MTNR1B: variants seen among roughly 807,000 people sequenced by gnomAD.
The protein encoded by MTNR1B is melatonin receptor 1B.
In MTNR1B, 7 loss-of-function variants were observed where a neutral mutation model predicts 7.0. That is an observed-to-expected ratio of 1.00 (90% CI 0.57 to 1.88). MTNR1B has a LOEUF of 1.88. Ranked by LOEUF, MTNR1B falls within the 40% of genes most tolerant of loss-of-function variation. The probability of loss-of-function intolerance (pLI) is 0.00; values close to 1 mark genes in which losing one functional copy is unlikely to be tolerated. For missense variants in MTNR1B, 478 were observed against 486.5 expected (o/e 0.98, Z 0.16); for synonymous variants, 226 against 208.2 (o/e 1.09, Z -0.74).
At position 92,969,715 on chromosome 11, in the gene MTNR1B, G is replaced by T; in HGVS notation, c.-11G>T. 1.4e-6 allele frequency: 2 copies of T among 1,466,814 alleles called. No homozygotes were observed. Among genetic ancestry groups the T allele is most frequent in the East Asian group, 2.5e-5 (1 of 39,258 alleles). The allele number at this position is 1,466,814 out of a possible 1,614,324, so 90.9% of individuals were successfully genotyped here. A position where few individuals can be genotyped will look rare whatever the true frequency, so the allele number is the denominator to read the frequency against. On this transcript the variant is annotated 5_prime_UTR_variant, in exon 1 of 2. Transcript: ENST00000257068. ...GCGCGGTGGCCAAAGCACAGCGCGG[G>T]AGAGTCTGCGATGTCAGAGAACGGC...
In MTNR1B at chr11:92,976,999, A is replaced by G. The variant is rs540743110; in HGVS notation, c.224-4448A>G. 7.2e-5 allele frequency among the ~76,000 whole-genome samples: 11 copies of G among 152,346 alleles called. No individual in the cohort carries two copies. In the South Asian group the frequency reaches 1.7e-3, roughly 23 times the overall value. ...TTATATCAATGGTTGTTTTGTTGCTATTAAGTGTAAAGTAATAAAATGTTA... is the reference window on the plus strand; with the variant it reads ...TTATATCAATGGTTGTTTTGTTGCTGTTAAGTGTAAAGTAATAAAATGTTA... On this transcript the variant is annotated intron_variant, in intron 1 of 1. Transcript: ENST00000257068.
chr11:92,984,548 C>T (rs1858168491), downstream of MTNR1B, among the ~76,000 whole-genome samples: 1 of 152,190 alleles, frequency 6.6e-6, no homozygotes. Flanking sequence ...GCTGCTTCCC[C>T]TCCCCCTAGA....
At chr11:92,977,717 T>TAAC (rs1858032129) in intron 1 of MTNR1B, among the ~76,000 whole-genome samples, 1 of 152,242 alleles carries the variant, frequency 6.6e-6, no homozygotes, top group African/African-American at 2.4e-5. Flanking sequence ...TTTGTTTCCC[T>TAAC]AACAGTTCCA....
Position 92,982,034 on chromosome 11 carries a change from G to T in MTNR1B, c.811G>T (p.Gly271Cys), listed in dbSNP as rs145010577. Residue 271 changes from glycine (G) to cysteine (C), a missense_variant, in exon 2 of 2, where the codon GGC becomes TGC. By Grantham distance (159) the Gly-to-Cys change is radical (BLOSUM62 -3). Transcript: ENST00000257068. ...CTGCTGGGCTCCACTTAACTGCATCGGCCTCGCTGTGGCCATCAACCCCCA... is the reference window on the plus strand; with the variant it reads ...CTGCTGGGCTCCACTTAACTGCATCTGCCTCGCTGTGGCCATCAACCCCCA... ...AICWAPLNCIGLAVAINPQEM... is the reference protein window; with the variant it reads ...AICWAPLNCICLAVAINPQEM... 1.2e-6 allele frequency: 2 copies of T among 1,613,994 alleles called. No individual in the cohort carries two copies. The highest frequency in any genetic ancestry group is 1.3e-5 in the African/African-American group (1 of 74,902).
intron 1 of MTNR1B, among the ~76,000 whole-genome samples, chr11:92,971,604 G>T (rs1315970244): frequency 6.6e-6 from 1 of 152,124 alleles, no homozygotes; most frequent in African/African-American, 2.4e-5. Flanking sequence ...TCTGACATTG[G>T]CCCCTTCTGT....
intron 1 of MTNR1B, among the ~76,000 whole-genome samples, chr11:92,978,487 G>A (rs1169055006): frequency 1.3e-5 from 2 of 152,202 alleles, no homozygotes; most frequent in Non-Finnish European, 2.9e-5. Context: ...TTATGCACAC[G>A]GTGACTGCAG....
Position 92,981,721 on chromosome 11 carries a change from C to G in MTNR1B, c.498C>G (p.Leu166=). 6.2e-7 allele frequency: 1 copy of G among 1,614,242 alleles called. No individual in the cohort carries two copies. Among genetic ancestry groups the G allele is most frequent in the Non-Finnish European group, 8.5e-7 (1 of 1,180,046 alleles). Reference sequence around the variant, plus strand: ...CTCTGCACATCTGCCTCATCTGGCTCCTCACCGTGGTGGCCTTGCTGCCCA... The same window carrying G: ...CTCTGCACATCTGCCTCATCTGGCTGCTCACCGTGGTGGCCTTGCTGCCCA... ...HTPLHICLIW[L]LTVVALLPNF... is the part of the protein sequence containing the mutation. The change falls in exon 2 of 2, where the codon CTC becomes CTG. Residue 166 remains leucine, a synonymous_variant. Transcript: ENST00000257068.
intron 1 of MTNR1B, among the ~76,000 whole-genome samples, chr11:92,973,266 A>G (rs1329179070): frequency 1.3e-5 from 2 of 151,732 alleles, no homozygotes; most frequent in East Asian, 3.9e-4. Flanking sequence ...CTGCCTCCTT[A>G]TTCTTACTGC....
In MTNR1B at chr11:92,982,300, A is replaced by T; in HGVS notation, c.1077A>T (p.Ala359=). ...CCATCATTGGTGTGCAGCACCAGGCAGATGCTCTCTAGCCTGGATCTGAGG... is the reference window on the plus strand; with the variant it reads ...CCATCATTGGTGTGCAGCACCAGGCTGATGCTCTCTAGCCTGGATCTGAGG... ...APPIIGVQHQ[A]DAL The change falls in exon 2 of 2, where the codon GCA becomes GCT. Residue 359 remains alanine (A), a synonymous_variant. Coordinates refer to ENST00000257068, the MANE Select transcript of MTNR1B (RefSeq NM_005959.5). 6.2e-7 allele frequency: 1 copy of T among 1,611,788 alleles called. No homozygotes were observed. The highest frequency in any genetic ancestry group is 2.2e-5 in the East Asian group (1 of 44,872).
At chr11:92,976,753 T>C (rs1311495378) in intron 1 of MTNR1B, among the ~76,000 whole-genome samples, 1 of 152,234 alleles carries the variant, frequency 6.6e-6, no homozygotes, top group Non-Finnish European at 1.5e-5. Context: ...CAAGAAACTC[T>C]CTACACCCTT....
intron 1 of MTNR1B, among the ~76,000 whole-genome samples, chr11:92,976,422 C>T (rs1191075960): frequency 6.6e-6 from 1 of 152,174 alleles, no homozygotes; most frequent in Non-Finnish European, 1.5e-5. Context: ...TCTGTCAGTA[C>T]AGCTAATAAT....
At position 92,982,631 on chromosome 11, in the gene MTNR1B, C is replaced by T. The variant is rs1775093237; in HGVS notation, c.*319C>T. 2 of 334,950 alleles carry T rather than the reference C, an allele frequency of 6.0e-6. No homozygotes were observed. The highest frequency in any genetic ancestry group is 8.9e-5 in the Admixed American group (2 of 22,392). 20.7% of individuals were successfully genotyped at this position (334,950 alleles called of 1,614,324 possible). ...GAGCCCAACTCCTTCTCATAGCTGA[C>T]CCTCATCCTCCTGCCTTGGCCTCCT... On this transcript the variant is annotated 3_prime_UTR_variant, in exon 2 of 2. Transcript: ENST00000257068.
chr11:92,982,203 G>A lies in MTNR1B; in HGVS notation c.980G>A (p.Trp327Ter). The change falls in exon 2 of 2, where the codon TGG (tryptophan) becomes TAG (stop). Residue 327 changes from tryptophan (W) to a stop codon, truncating the protein, a stop_gained. Transcript: ENST00000257068. LOFTEE classifies it low-confidence loss of function (END_TRUNC). ...REYKRILLAL[W>*]NPRHCIQDAS... ...TACAAGAGGATCCTCTTGGCCCTTT[G>A]GAACCCACGGCACTGCATTCAAGAT... 6.2e-7 allele frequency: 1 copy of A among 1,614,140 alleles called. No homozygotes were observed. The highest frequency in any genetic ancestry group is 8.5e-7 in the Non-Finnish European group (1 of 1,180,024).
chr11:92,975,198 A>G (rs552742504), intron 1 of MTNR1B, among the ~76,000 whole-genome samples: 1 of 152,352 alleles, frequency 6.6e-6, no homozygotes, highest in Admixed American at 6.5e-5. Flanking sequence ...CTCCACTATC[A>G]GAGAGGAAGT....
At position 92,981,505 on chromosome 11, in the gene MTNR1B, C is replaced by T; in HGVS notation, c.282C>T (p.Tyr94=). ...ACCTGGTGGTGGCCTTCTACCCCTA[C>T]CCGCTAATCCTCGTGGCCATCTTCT... The part of the protein sequence containing the change: ...LADLVVAFYP[Y]PLILVAIFYD... Residue 94 remains tyrosine, a synonymous_variant, in exon 2 of 2, where the codon TAC becomes TAT. Transcript: ENST00000257068. 6.2e-7 allele frequency: 1 copy of T among 1,614,166 alleles called. No individual in the cohort carries two copies. The highest frequency in any genetic ancestry group is 1.6e-4 in the Middle Eastern group (1 of 6,062).
chr11:92,978,093 A>G (rs1858039525), intron 1 of MTNR1B, among the ~76,000 whole-genome samples: 1 of 152,326 alleles, frequency 6.6e-6, no homozygotes, highest in African/African-American at 2.4e-5. Flanking sequence ...CTCAATGACC[A>G]AGGAGAATTT....
At chr11:92,980,838 G>A (rs113302501) in intron 1 of MTNR1B, among the ~76,000 whole-genome samples, 93 of 152,278 alleles carry the variant, frequency 6.1e-4, no homozygotes, top group African/African-American at 2.2e-3. Flanking sequence ...GCACAAATGG[G>A]AATACCAGAA....
At position 92,975,372 on chromosome 11, in the gene MTNR1B, T is replaced by C. The variant is rs1035856974; in HGVS notation, c.223+5424T>C. Among the ~76,000 whole-genome samples the C allele has an allele frequency of 6.6e-5, 10 of 152,254 alleles. No individual in the cohort carries two copies. The East Asian group carries it at 1.9e-3, about 29-fold the overall frequency. The stretch of plus-strand genomic sequence containing the variant: ...CACGAATTGGCATTTCTGGGGTACG[T>C]TGATGATTGGTAAAGCAGAAATATA... On this transcript the variant is annotated intron_variant, in intron 1 of 1. Transcript: ENST00000257068.
At position 92,969,964 on chromosome 11, in the gene MTNR1B, G is replaced by T. The variant is rs748364640; in HGVS notation, c.223+16G>T. 1.3e-5 allele frequency: 21 copies of T among 1,593,708 alleles called. No individual in the cohort carries two copies. Among genetic ancestry groups the T allele is most frequent in the Non-Finnish European group, 1.7e-5 (20 of 1,168,592 alleles). ...CGGAACGCAGGTGAGCACCATTCCT[G>T]ATGCTGGGTGCTGGCATCGGGCCCT... On this transcript the variant is annotated intron_variant, in intron 1 of 1. Transcript: ENST00000257068.
Sources: gnomAD v4.1 joint callset for allele counts (sites outside exome capture counted in the v4.1 genomes callset) on GRCh38, gnomAD v4.1.1 for gene constraint, MANE v1.5 for transcripts, NCBI Gene and HGNC (gene_info 2026-07-23, HGNC 2026-07-21) for gene names.